The following ANKS1B variants were observed in gnomAD, a reference collection of about 807,000 sequenced individuals.
ANKS1B encodes the protein ankyrin repeat and sterile alpha motif domain containing 1B, also known as ankyrin repeat and sterile alpha motif domain-containing protein 1B.
Under a neutral mutation model 148.3 loss-of-function variants are expected in ANKS1B, and 36 were observed. The observed-to-expected ratio is 0.24, with a 90% CI of 0.19 to 0.32. The LOEUF (loss-of-function observed/expected upper bound fraction) is 0.32, where lower values mean the gene tolerates loss of function less well. ANKS1B is among the 10% of genes least tolerant of loss of function. The pLI is 1.00. For missense variants in ANKS1B, 1,157 were observed against 1,542.6 expected (o/e 0.75, Z 4.19); for synonymous variants, 542 against 560.8 (o/e 0.97, Z 0.47).
intron 14 of ANKS1B, among the ~76,000 whole-genome samples, chr12:99,165,768 A>G (rs1285810309): frequency 2.0e-5 from 3 of 151,958 alleles, no homozygotes; most frequent in African/African-American, 7.2e-5. Flanking sequence ...ATACTTGCCA[A>G]CTTATTCTAT....
At chr12:99,707,494 G>A (rs2055993256) in intron 8 of ANKS1B, among the ~76,000 whole-genome samples, 1 of 152,020 alleles carries the variant, frequency 6.6e-6, no homozygotes, top group Non-Finnish European at 1.5e-5. Flanking sequence ...AAAATGTTAA[G>A]AGTAGATGGG....
At chr12:99,873,792 G>C (rs578033899) in intron 1 of ANKS1B, among the ~76,000 whole-genome samples, 2 of 152,194 alleles carry the variant, frequency 1.3e-5, no homozygotes, top group African/African-American at 4.8e-5. Flanking sequence ...AAAGCAGATT[G>C]CCCTCTGCAA....
intron 17 of ANKS1B, among the ~76,000 whole-genome samples, chr12:98,897,917 C>T (rs867294239): frequency 2.0e-5 from 3 of 152,112 alleles, no homozygotes; most frequent in Non-Finnish European, 4.4e-5. Context: ...TGCAGCAACA[C>T]GGATGGAGCT....
At chr12:99,871,018 T>C (rs2091446298) in intron 1 of ANKS1B, among the ~76,000 whole-genome samples, 1 of 152,258 alleles carries the variant, frequency 6.6e-6, no homozygotes, top group South Asian at 2.1e-4. Context: ...TCCAAGATAC[T>C]GTTTCCAATG....
chr12:99,578,982 T>C (rs1251179782), intron 9 of ANKS1B, among the ~76,000 whole-genome samples: 1 of 152,072 alleles, frequency 6.6e-6, no homozygotes, highest in Admixed American at 6.6e-5. Context: ...AACAGCATGG[T>C]ACTGGTTCAA....
chr12:99,907,749 C>T (rs2153781370), intron 1 of ANKS1B, among the ~76,000 whole-genome samples: 1 of 144,248 alleles, frequency 6.9e-6, no homozygotes, highest in East Asian at 2.1e-4. Context: ...GCAGGTAAAG[C>T]ATTCCTTTTT....
chr12:99,681,134 G>A (rs1337998959), intron 8 of ANKS1B, among the ~76,000 whole-genome samples: 1 of 152,078 alleles, frequency 6.6e-6, no homozygotes, highest in Non-Finnish European at 1.5e-5. Context: ...TGAGAATCCT[G>A]AGTACTTATC....
intron 17 of ANKS1B, among the ~76,000 whole-genome samples, chr12:99,044,213 A>T (rs528597700): frequency 1.1e-4 from 17 of 148,408 alleles, no homozygotes; most frequent in African/African-American, 2.2e-4. Flanking sequence ...CTGGATTAAA[A>T]TTTTTTTTTT....
At chr12:99,287,451 C>T (rs952724218) in intron 12 of ANKS1B, among the ~76,000 whole-genome samples, 3 of 152,104 alleles carry the variant, frequency 2.0e-5, no homozygotes, top group African/African-American at 7.2e-5. Context: ...TACAAATAAG[C>T]TCAGACTGCA....
intron 8 of ANKS1B, among the ~76,000 whole-genome samples, chr12:99,684,242 G>GA (rs1469484002): frequency 6.6e-6 from 1 of 151,054 alleles, no homozygotes; most frequent in Non-Finnish European, 1.5e-5. Context: ...TCCTAGAACT[G>GA]AAAAAATGAA....
intron 3 of ANKS1B, among the ~76,000 whole-genome samples, chr12:99,807,040 A>C (rs1417800835): frequency 7.9e-5 from 12 of 152,184 alleles, no homozygotes; most frequent in Non-Finnish European, 1.2e-4. Context: ...ATCTTTAGAC[A>C]TTTATTAATA....
At chr12:99,839,839 T>C (rs914545942) in intron 1 of ANKS1B, among the ~76,000 whole-genome samples, 2 of 151,982 alleles carry the variant, frequency 1.3e-5, no homozygotes, top group African/African-American at 2.4e-5. Flanking sequence ...TGCCTTGTTA[T>C]TTTAATTCCT....
chr12:99,372,319 A>T (rs2093181440), intron 12 of ANKS1B, among the ~76,000 whole-genome samples: 1 of 151,982 alleles, frequency 6.6e-6, no homozygotes, highest in Non-Finnish European at 1.5e-5. Context: ...AAAACTAATG[A>T]CCCAAGTGTG....
chr12:99,949,502 C>T (rs1029013804), intron 1 of ANKS1B, among the ~76,000 whole-genome samples: 1 of 152,036 alleles, frequency 6.6e-6, no homozygotes, highest in Non-Finnish European at 1.5e-5. Flanking sequence ...TAATAAGTTA[C>T]TGTAATAGTT....
chr12:98,809,602 T>G (rs1358038894), intron 19 of ANKS1B, among the ~76,000 whole-genome samples: 1 of 152,218 alleles, frequency 6.6e-6, no homozygotes, highest in Non-Finnish European at 1.5e-5. Context: ...TGTGTCAGCC[T>G]GCTGGGATGG....
chr12:99,629,095 G>T (rs982248576), intron 9 of ANKS1B, among the ~76,000 whole-genome samples: 2 of 152,068 alleles, frequency 1.3e-5, no homozygotes, highest in Non-Finnish European at 2.9e-5. Flanking sequence ...TATGGCTCAT[G>T]ATACAATAGC....
At chr12:98,980,097 T>C (rs2099907014) in intron 17 of ANKS1B, among the ~76,000 whole-genome samples, 1 of 152,254 alleles carries the variant, frequency 6.6e-6, no homozygotes, top group African/African-American at 2.4e-5. Flanking sequence ...TCAGATATTC[T>C]GTTTTATTTT....
At chr12:99,476,785 A>T (rs772102670) in intron 10 of ANKS1B, among the ~76,000 whole-genome samples, 2 of 152,194 alleles carry the variant, frequency 1.3e-5, no homozygotes, top group East Asian at 3.9e-4. Context: ...TGCAGTTTTC[A>T]TGGCTGAGGG....
chr12:99,791,128 C>T (rs935586544), intron 4 of ANKS1B, among the ~76,000 whole-genome samples: 1 of 151,804 alleles, frequency 6.6e-6, no homozygotes, highest in Non-Finnish European at 1.5e-5. Flanking sequence ...AGTAGCTATA[C>T]TTATATTAGG....
Sources: allele counts gnomAD v4.1 joint callset (sites outside exome capture counted in the v4.1 genomes callset), GRCh38; gene constraint gnomAD v4.1.1; transcripts MANE v1.5; gene names NCBI Gene and HGNC (gene_info 2026-07-23, HGNC 2026-07-21).